Variants in MSRA observed in about 807,000 individuals in gnomAD.
MSRA encodes the protein methionine sulfoxide reductase A, also known as mitochondrial peptide methionine sulfoxide reductase.
In MSRA, 54 loss-of-function variants were observed where a neutral mutation model predicts 31.3. The ratio of observed to expected loss-of-function variants is 1.73; its 90% CI spans 1.39 to 2.17. MSRA has a LOEUF of 2.17. Ranked by LOEUF, MSRA falls within the 30% of genes most tolerant of loss-of-function variation. MSRA has a pLI of 0.00. For synonymous variants in MSRA, 169 were observed against 116.5 expected, an observed-to-expected ratio of 1.45 and a Z score of -2.90; for missense variants, 507 against 300.9, an observed-to-expected ratio of 1.69 and a Z score of -5.07.
intron 2 of MSRA, among the ~76,000 whole-genome samples, chr8:10,211,013 G>T (rs978038869): frequency 6.6e-6 from 1 of 152,064 alleles, no homozygotes; most frequent in Non-Finnish European, 1.5e-5. Context: ...CGGGATTACA[G>T]GCATGAGTCA....
At chr8:10,236,807 G>C (rs2952242) in intron 2 of MSRA, among the ~76,000 whole-genome samples, 2 of 152,296 alleles carry the variant, frequency 1.3e-5, no homozygotes, top group Admixed American at 1.3e-4. Context: ...CGGCCTTCCA[G>C]AATGCTGAGA....
chr8:10,353,932 G>A (rs926132669), intron 5 of MSRA: 2 of 203,058 alleles, frequency 9.8e-6, no homozygotes, highest in African/African-American at 4.7e-5. Context: ...CCTTATTATG[G>A]AAGGAAAGCA....
chr8:10,085,505 C>A (rs1407400225), intron 1 of MSRA, among the ~76,000 whole-genome samples: 1 of 152,206 alleles, frequency 6.6e-6, no homozygotes, highest in Non-Finnish European at 1.5e-5. Context: ...TAGGTGGGGA[C>A]AGTGTCTTAG....
intron 5 of MSRA, among the ~76,000 whole-genome samples, chr8:10,388,335 G>A (rs1351878239): frequency 1.3e-5 from 2 of 152,174 alleles, no homozygotes; most frequent in South Asian, 2.1e-4. Context: ...GGTCACCCCC[G>A]TCTTCCTGGT....
intron 5 of MSRA, among the ~76,000 whole-genome samples, chr8:10,332,815 G>A (rs1802782199): frequency 6.6e-6 from 1 of 152,210 alleles, no homozygotes; most frequent in African/African-American, 2.4e-5. Context: ...GAAAGGAAAA[G>A]CTTGTAATAA....
chr8:10,065,243 C>T (rs1210895632), intron 1 of MSRA, among the ~76,000 whole-genome samples: 1 of 152,108 alleles, frequency 6.6e-6, no homozygotes, highest in East Asian at 1.9e-4. Flanking sequence ...TAACAGAGGG[C>T]ACTCAGGCAG....
intron 3 of MSRA, among the ~76,000 whole-genome samples, chr8:10,268,194 C>T (rs1460748901): frequency 6.6e-6 from 1 of 152,188 alleles, no homozygotes; most frequent in Non-Finnish European, 1.5e-5. Flanking sequence ...AGGAGATGGA[C>T]ACGTGTGTGA....
intron 5 of MSRA, among the ~76,000 whole-genome samples, chr8:10,406,705 C>T (rs1202102301): frequency 6.6e-6 from 1 of 152,224 alleles, no homozygotes; most frequent in Admixed American, 6.5e-5. Context: ...TAAGCCATAT[C>T]TCCCCTGCTC....
At chr8:10,129,478 C>G (rs79645849) in intron 1 of MSRA, among the ~76,000 whole-genome samples, 51 of 152,132 alleles carry the variant, frequency 3.4e-4, no homozygotes, top group African/African-American at 1.2e-3. Flanking sequence ...TTGATTCACC[C>G]TTGAGCAGAC....
chr8:10,364,457 C>A lies in MSRA; in HGVS notation c.543+44468C>A, dbSNP rs536375295. 2.8e-4 allele frequency among the ~76,000 whole-genome samples: 42 copies of A among 152,288 alleles called. 1 individual carries two copies. The highest frequency in any genetic ancestry group is 5.1e-4 in the Non-Finnish European group (35 of 68,024). ...TTATCTTCCTGTTCACTTTCAGTGC[C>A]CAAGGAAGAGAATTGTGGGACCAAT... On this transcript the variant is annotated intron_variant, in intron 5 of 5. Transcript: ENST00000317173.
In MSRA at chr8:10,074,058, C is replaced by CTTTTTTT. The variant is rs534642712; in HGVS notation, c.142+19434_142+19440dup. On this transcript the variant is annotated intron_variant, in intron 1 of 5. Transcript: ENST00000317173. Reference sequence around the variant, plus strand: ...CATTTTGTTTTGTCTAAGGGAGGTGCTTTTTTTTTTTTTTTTTTTTTTTTT... The same window carrying CTTTTTTT: ...CATTTTGTTTTGTCTAAGGGAGGTGCTTTTTTTTTTTTTTTTTTTTTTTTTTTTTTTT... Among the ~76,000 whole-genome samples, 98 of 29,454 alleles carry CTTTTTTT rather than the reference C, an allele frequency of 3.3e-3. 10 individuals are homozygous for CTTTTTTT. The highest frequency in any genetic ancestry group is 4.5e-3 in the Non-Finnish European group (73 of 16,370). The allele number at this position is 29,454 out of a possible 152,430, so 19.3% of individuals were successfully genotyped here.
intron 5 of MSRA, among the ~76,000 whole-genome samples, chr8:10,365,829 A>G (rs1249268335): frequency 2.0e-5 from 3 of 152,212 alleles, no homozygotes; most frequent in Admixed American, 2.0e-4. Flanking sequence ...GGCCAAGGTC[A>G]CATGCTGGGT....
At chr8:10,102,385 CCTATT>C (rs537812786) in intron 1 of MSRA, among the ~76,000 whole-genome samples, 2 of 152,114 alleles carry the variant, frequency 1.3e-5, no homozygotes, top group Non-Finnish European at 2.9e-5. Flanking sequence ...TTCAGATTCA[CCTATT>C]CTTTTCTCTG....
chr8:10,392,444 G>A (rs766192955), intron 5 of MSRA, among the ~76,000 whole-genome samples: 1 of 152,136 alleles, frequency 6.6e-6, no homozygotes, highest in Non-Finnish European at 1.5e-5. Context: ...GTCCAGTGCA[G>A]CCCTCTCCCT....
At chr8:10,340,912 T>C (rs977016061) in intron 5 of MSRA, among the ~76,000 whole-genome samples, 1 of 152,194 alleles carries the variant, frequency 6.6e-6, no homozygotes, top group Non-Finnish European at 1.5e-5. Flanking sequence ...CAAAATGGTA[T>C]TTCTTTGAGA....
At chr8:10,363,900 C>T (rs892922537) in intron 5 of MSRA, among the ~76,000 whole-genome samples, 1 of 152,026 alleles carries the variant, frequency 6.6e-6, no homozygotes, top group Non-Finnish European at 1.5e-5. Flanking sequence ...CACTGCAGTC[C>T]AGCCTGGGCT....
intron 5 of MSRA, among the ~76,000 whole-genome samples, chr8:10,402,695 A>G (rs988900748): frequency 1.3e-5 from 2 of 152,216 alleles, no homozygotes; most frequent in African/African-American, 4.8e-5. Flanking sequence ...GCATTGGGAA[A>G]TGCCCTTTGG....
Position 10,054,669 on chromosome 8 carries a change from GC to G in MSRA, c.142+13del, listed in dbSNP as rs763706550. The G allele has an allele frequency of 2.0e-6, 3 of 1,509,912 alleles. No individual in the cohort carries two copies. Among genetic ancestry groups the G allele is most frequent in the Non-Finnish European group, 2.7e-6 (3 of 1,123,904 alleles). 93.5% of individuals were successfully genotyped at this position (1,509,912 alleles called of 1,614,324 possible). ...AGACCCCTGTAGCGGGTAAGCACTG[GC>G]CACACGGAAGGCGCGGGCGGCGACG... On this transcript the variant is annotated intron_variant, in intron 1 of 5. Transcript: ENST00000317173.
intron 1 of MSRA, among the ~76,000 whole-genome samples, chr8:10,146,220 T>C (rs72626643): frequency 0.2 from 30,262 of 152,060 alleles, 3,764 homozygotes; most frequent in East Asian, 0.55. Context: ...GGGTTTTTTT[T>C]CCCCTAGCTA....
Sources: gnomAD v4.1 joint callset for allele counts (sites outside exome capture counted in the v4.1 genomes callset) on GRCh38, gnomAD v4.1.1 for gene constraint, MANE v1.5 for transcripts, NCBI Gene and HGNC (gene_info 2026-07-23, HGNC 2026-07-21) for gene names.